CEP78: variants seen among roughly 807,000 people sequenced by gnomAD.
CEP78 encodes the protein centrosomal protein of 78 kDa.
CEP78 carries 76 observed loss-of-function variants against 81.2 expected under a neutral mutation model. The observed-to-expected ratio is 0.94, with a 90% CI of 0.78 to 1.13. CEP78 has a LOEUF of 1.13. Ranked by LOEUF, CEP78 falls within the 50% of genes most tolerant of loss-of-function variation. The probability of loss-of-function intolerance (pLI) is 0.00; values close to 1 mark genes in which losing one functional copy is unlikely to be tolerated. For missense variants in CEP78, 918 were observed against 846.8 expected (o/e 1.08, Z -1.04); for synonymous variants, 293 against 301.4 (o/e 0.97, Z 0.29).
At chr9:78,267,320 G>A (rs1297713250) in intron 16 of CEP78, among the ~76,000 whole-genome samples, 2 of 152,174 alleles carry the variant, frequency 1.3e-5, no homozygotes, top group African/African-American at 4.8e-5. Context: ...GAACAACAAA[G>A]CAGAGTACGA....
In CEP78 at chr9:78,278,616, T is replaced by G. The variant is rs1403240722; in HGVS notation, c.*7765T>G. ...CCACTAATGGGTAATGTCCTACTGT[T>G]TGGAAACACTGGCTAGAGTGTTTCA... is the stretch of plus-strand genomic sequence containing the variant. On this transcript the variant is annotated 3_prime_UTR_variant, in exon 17 of 17. Coordinates refer to ENST00000643273, the MANE Select transcript of CEP78 (RefSeq NM_001330691.3). The G allele has an allele frequency of 6.6e-6, 1 of 152,222 alleles. No homozygotes were observed. Among genetic ancestry groups the G allele is most frequent in the Non-Finnish European group, 1.5e-5 (1 of 68,030 alleles). 9.4% of individuals were successfully genotyped at this position (152,222 alleles called of 1,614,324 possible). A position where few individuals can be genotyped will look rare whatever the true frequency, so the allele number is the denominator to read the frequency against.
chr9:78,242,255 T>C (rs11137570), intron 4 of CEP78, among the ~76,000 whole-genome samples: 6,391 of 152,236 alleles, frequency 0.042, 237 homozygotes, highest in East Asian at 0.1. Flanking sequence ...TTTGTTTACA[T>C]ATTAACTATT....
intron 16 of CEP78, among the ~76,000 whole-genome samples, chr9:78,267,310 G>A (rs746821203): frequency 3.3e-5 from 5 of 152,146 alleles, no homozygotes; most frequent in Non-Finnish European, 7.4e-5. Context: ...GGAGAAAACA[G>A]AACAACAAAG....
rs765242024 is a variant in CEP78, at chr9:78,265,925, A to C, written c.1845+19A>C. ...AATGAAGGTACAAGTACTGATATAG[A>C]TAATTTTTCAGAATAAGTAATTCAT... is the stretch of plus-strand genomic sequence containing the variant. On this transcript the variant is annotated intron_variant, in intron 15 of 16. Transcript: ENST00000643273. 2 of 1,207,560 alleles carry C rather than the reference A, an allele frequency of 1.7e-6. No individual in the cohort carries two copies. The highest frequency in any genetic ancestry group is 4.0e-5 in the Admixed American group (2 of 50,390). 74.8% of individuals were successfully genotyped at this position (1,207,560 alleles called of 1,614,324 possible). A position where few individuals can be genotyped will look rare whatever the true frequency, so the allele number is the denominator to read the frequency against.
In CEP78 at chr9:78,236,572, G is replaced by T; in HGVS notation, c.222G>T (p.Lys74Asn). ...AAGACCTGCCCTTGGTCTCCATCAA[G>T]AGCTTCTTCCAGCCCTGGCTGGGGG... ...INKDLPLVSI[K>N]SFFQPWLGDT... Residue 74 changes from lysine to asparagine, a missense_variant, in exon 1 of 17, where the codon AAG (lysine) becomes AAT (asparagine). By Grantham distance (94) the Lys-to-Asn change is moderately conservative. Coordinates refer to ENST00000643273, the MANE Select transcript of CEP78 (RefSeq NM_001330691.3). 1 of 1,567,292 alleles carries T rather than the reference G, an allele frequency of 6.4e-7. No homozygotes were observed. Among genetic ancestry groups the T allele is most frequent in the Non-Finnish European group, 8.6e-7 (1 of 1,156,734 alleles).
At chr9:78,269,487 G>T (rs1353689480) in intron 16 of CEP78, among the ~76,000 whole-genome samples, 1 of 152,200 alleles carries the variant, frequency 6.6e-6, no homozygotes, top group Non-Finnish European at 1.5e-5. Flanking sequence ...TAAAGTTGAT[G>T]AGAACACAGA....
rs752102111 is a variant in CEP78, at chr9:78,243,607, A to G, written c.749A>G (p.Asp250Gly). Residue 250 changes from aspartate to glycine, a missense_variant, in exon 5 of 17, where the codon GAC becomes GGC. By Grantham distance (94) the Asp-to-Gly change is moderately conservative. Transcript: ENST00000643273. ...IGDLGACAFA[D>G]SLSEDLWLRA... is the part of the protein sequence containing the mutation. ...GACCTAGGTGCATGTGCTTTTGCAG[A>G]CTCTCTCAGTGAGGATTTATGGCTG... 1 of 1,613,560 alleles carries G rather than the reference A, an allele frequency of 6.2e-7. No homozygotes were observed. Among genetic ancestry groups the G allele is most frequent in the South Asian group, 1.1e-5 (1 of 91,026 alleles).
Position 78,265,516 on chromosome 9 carries a change from T to C in CEP78, c.1770T>C (p.Asn590=). 1 of 1,575,742 alleles carries C rather than the reference T, an allele frequency of 6.3e-7. No homozygotes were observed. The highest frequency in any genetic ancestry group is 8.6e-7 in the Non-Finnish European group (1 of 1,160,050). The part of the protein sequence containing the change: ...LEDEKPEPKQ[N]ALGQMQNIQV... ...ATGAAAAACCAGAACCGAAGCAGAA[T>C]GCCCTAGGGCAAATGCAAAATATCC... is the stretch of plus-strand genomic sequence containing the variant. Residue 590 remains asparagine, a synonymous_variant, in exon 14 of 17, where the codon AAT becomes AAC. Coordinates refer to ENST00000643273, the MANE Select transcript of CEP78 (RefSeq NM_001330691.3).
At chr9:78,265,099 G>A (rs1307196696) in intron 13 of CEP78, among the ~76,000 whole-genome samples, 3 of 152,094 alleles carry the variant, frequency 2.0e-5, no homozygotes, top group Non-Finnish European at 4.4e-5. Flanking sequence ...TATAAAATAC[G>A]GAATAAGTAA....
At chr9:78,268,918 A>G (rs1352519144) in intron 16 of CEP78, among the ~76,000 whole-genome samples, 1 of 152,054 alleles carries the variant, frequency 6.6e-6, no homozygotes, top group Non-Finnish European at 1.5e-5. Context: ...GGCCTCCCAA[A>G]GTGCTGGGAT....
At chr9:78,270,235 C>T (rs1827661059) in intron 16 of CEP78, among the ~76,000 whole-genome samples, 1 of 152,120 alleles carries the variant, frequency 6.6e-6, no homozygotes, top group African/African-American at 2.4e-5. Context: ...ACAAGACCTA[C>T]ACACAATCAC....
In CEP78 at chr9:78,276,023, G is replaced by T. The variant is rs1477194376; in HGVS notation, c.*5172G>T. 2.0e-5 allele frequency: 3 copies of T among 152,168 alleles called. No individual in the cohort carries two copies. The highest frequency in any genetic ancestry group is 4.8e-5 in the African/African-American group (2 of 41,422). 9.4% of individuals were successfully genotyped at this position (152,168 alleles called of 1,614,324 possible). A position where few individuals can be genotyped will look rare whatever the true frequency, so the allele number is the denominator to read the frequency against. On this transcript the variant is annotated 3_prime_UTR_variant, in exon 17 of 17. Coordinates refer to ENST00000643273, the MANE Select transcript of CEP78 (RefSeq NM_001330691.3). ...CCAGAGGATAGAAAAGAGATGTAAG[G>T]CTCCCTAATTCATTCCATACGGTTA...
intron 4 of CEP78, 138 bp from the exon 5 acceptor site, chr9:78,243,324 G>T: frequency 1.7e-6 from 1 of 598,482 alleles, no homozygotes; most frequent in Non-Finnish European, 2.8e-6. Flanking sequence ...TATTTAATCA[G>T]TCTGTCAGAT....
chr9:78,256,749 A>G (rs1180843372), intron 11 of CEP78, among the ~76,000 whole-genome samples: 1 of 152,056 alleles, frequency 6.6e-6, no homozygotes, highest in Non-Finnish European at 1.5e-5. Context: ...AAGATGAAAA[A>G]TATGTCCTGA....
chr9:78,270,139 G>T lies in CEP78; in HGVS notation c.2108-702G>T, dbSNP rs534791866. Among the ~76,000 whole-genome samples the T allele has an allele frequency of 4.8e-4, 73 of 152,308 alleles. 1 individual carries two copies. The highest frequency in any genetic ancestry group is 9.0e-4 in the Non-Finnish European group (61 of 68,020). ...TTGTAGAGTTGGGGGATCCTGGGAAGTGTGGACAGAGACAAAAATGGGAAG... is the reference window on the plus strand; with the variant it reads ...TTGTAGAGTTGGGGGATCCTGGGAATTGTGGACAGAGACAAAAATGGGAAG... On this transcript the variant is annotated intron_variant, in intron 16 of 16. Transcript: ENST00000643273.
chr9:78,242,792 G>A (rs1826295950), intron 4 of CEP78, among the ~76,000 whole-genome samples: 1 of 152,056 alleles, frequency 6.6e-6, no homozygotes, highest in East Asian at 1.9e-4. Flanking sequence ...GATTATGTCT[G>A]TAAGATAATA....
At chr9:78,244,425 G>T (rs544494128) in intron 5 of CEP78, among the ~76,000 whole-genome samples, 1 of 152,210 alleles carries the variant, frequency 6.6e-6, no homozygotes. Flanking sequence ...ACTGTGCCCA[G>T]CCTGAAGTTA....
chr9:78,247,716 T>G (rs1826560798), intron 6 of CEP78, among the ~76,000 whole-genome samples: 1 of 152,170 alleles, frequency 6.6e-6, no homozygotes, highest in Non-Finnish European at 1.5e-5. Flanking sequence ...GTTAGGAGAC[T>G]CACACTGGTT....
intron 8 of CEP78, among the ~76,000 whole-genome samples, chr9:78,250,820 T>TA (rs1826724855): frequency 6.6e-6 from 1 of 152,142 alleles, no homozygotes; most frequent in Non-Finnish European, 1.5e-5. Flanking sequence ...TTAGGATAAT[T>TA]AAAAACAGCA....
Sources: allele counts gnomAD v4.1 joint callset (sites outside exome capture counted in the v4.1 genomes callset), GRCh38; gene constraint gnomAD v4.1.1; transcripts MANE v1.5; gene names NCBI Gene and HGNC (gene_info 2026-07-23, HGNC 2026-07-21).